Variants in CEP112 observed in about 807,000 individuals in gnomAD.
CEP112 encodes centrosomal protein of 112 kDa.
CEP112 carries 127 observed loss-of-function variants against 153.0 expected under a neutral mutation model. The observed-to-expected ratio is 0.83, with a 90% CI of 0.72 to 0.96. CEP112 has a LOEUF of 0.96. Ranked by LOEUF, CEP112 falls within the 40% of genes least tolerant of loss-of-function variation. CEP112 has a pLI of 0.00. For missense variants in CEP112, 1,089 were observed against 1,101.2 expected (o/e 0.99, Z 0.16); for synonymous variants, 358 against 374.4 (o/e 0.96, Z 0.51).
At position 66,103,022 on chromosome 17, in the gene CEP112, G is replaced by C. The variant is rs564294123; in HGVS notation, c.643-6390C>G. 4.6e-5 allele frequency among the ~76,000 whole-genome samples: 7 copies of C among 151,036 alleles called. No individual in the cohort carries two copies. In the South Asian group the frequency reaches 1.3e-3, roughly 27 times the overall value. On this transcript the variant is annotated intron_variant, in intron 6 of 26. Coordinates refer to ENST00000535342, the MANE Select transcript of CEP112 (RefSeq NM_001199165.4). Reference sequence around the variant, plus strand: ...GCAGATCACCTGAGGTCAGCAGTTCGAGACCAGACTGGCTAACATGGTGAA... The same window carrying C: ...GCAGATCACCTGAGGTCAGCAGTTCCAGACCAGACTGGCTAACATGGTGAA...
At chr17:66,023,039 G>C (rs1288333354) in intron 16 of CEP112, among the ~76,000 whole-genome samples, 1 of 152,074 alleles carries the variant, frequency 6.6e-6, no homozygotes, top group East Asian at 1.9e-4. Context: ...TTAAAAAAAT[G>C]AACAAAGCCT....
At position 65,663,910 on chromosome 17, in the gene CEP112, G is replaced by T. The variant is rs1286691247; in HGVS notation, c.2698-22845C>A. On this transcript the variant is annotated intron_variant, in intron 24 of 26. Coordinates refer to ENST00000535342, the MANE Select transcript of CEP112 (RefSeq NM_001199165.4). ...AAATACAAAAACTTAGCCAGGCGTG[G>T]TGGCGTGCGCCTGTAGTCCCAGCTA... Among the ~76,000 whole-genome samples, 38 of 152,174 alleles carry T rather than the reference G, an allele frequency of 2.5e-4. 1 individual carries two copies. Among genetic ancestry groups the T allele is most frequent in the Admixed American group, 2.5e-3 (38 of 15,280 alleles).
At chr17:66,033,778 A>T (rs1190328813) in intron 12 of CEP112, among the ~76,000 whole-genome samples, 1 of 152,216 alleles carries the variant, frequency 6.6e-6, no homozygotes, top group African/African-American at 2.4e-5. Flanking sequence ...ATAAAGTATA[A>T]GCTTAAGACA....
intron 4 of CEP112, among the ~76,000 whole-genome samples, chr17:66,172,385 C>G (rs893015625): frequency 2.6e-5 from 4 of 152,166 alleles, no homozygotes; most frequent in Non-Finnish European, 5.9e-5. Context: ...AGGCTTTTTT[C>G]ACGTTGCAAT....
intron 17 of CEP112, among the ~76,000 whole-genome samples, chr17:65,983,751 TA>T (rs1179519276): frequency 6.6e-6 from 1 of 152,220 alleles, no homozygotes; most frequent in African/African-American, 2.4e-5. Flanking sequence ...CTTTTCTTTA[TA>T]AATCACCCAG....
intron 20 of CEP112, among the ~76,000 whole-genome samples, chr17:65,874,300 C>T (rs967516507): frequency 4.6e-5 from 7 of 152,108 alleles, no homozygotes; most frequent in Admixed American, 2.6e-4. Flanking sequence ...TTTTAGTTAA[C>T]AAAAGCTTAT....
chr17:65,866,270 T>C lies in CEP112; in HGVS notation c.2164-14236A>G, dbSNP rs140805547. 2.5e-4 allele frequency among the ~76,000 whole-genome samples: 38 copies of C among 152,332 alleles called. No homozygotes were observed. In the East Asian group the frequency reaches 7.1e-3, roughly 29 times the overall value. On this transcript the variant is annotated intron_variant, in intron 20 of 26. Transcript: ENST00000535342. Reference sequence around the variant, plus strand: ...GGTGCTGTTGCAGCCTGGCCGGTTGTGCGCACCCTCGAGGTATCACGGACA... The same window carrying C: ...GGTGCTGTTGCAGCCTGGCCGGTTGCGCGCACCCTCGAGGTATCACGGACA...
intron 24 of CEP112, among the ~76,000 whole-genome samples, chr17:65,679,919 A>G (rs145840876): frequency 6.6e-6 from 1 of 152,368 alleles, no homozygotes; most frequent in African/African-American, 2.4e-5. Flanking sequence ...GTCGTCTAAT[A>G]TTACCCGAAA....
chr17:66,021,049 T>A (rs1349705931), intron 16 of CEP112, among the ~76,000 whole-genome samples: 1 of 152,092 alleles, frequency 6.6e-6, no homozygotes, highest in Non-Finnish European at 1.5e-5. Flanking sequence ...ACCTGTCTAC[T>A]GAGGAACTGT....
chr17:66,072,955 A>G (rs1292867930), intron 8 of CEP112, among the ~76,000 whole-genome samples: 6 of 152,218 alleles, frequency 3.9e-5, no homozygotes, highest in Admixed American at 2.0e-4. Flanking sequence ...ATATAGATGT[A>G]GATATAAATA....
chr17:66,019,963 C>T (rs534502395), intron 16 of CEP112, among the ~76,000 whole-genome samples: 1 of 152,366 alleles, frequency 6.6e-6, no homozygotes, highest in Non-Finnish European at 1.5e-5. Context: ...CTTTCTAGGT[C>T]TATCTCTATG....
At chr17:65,953,927 C>T (rs781038734) in intron 18 of CEP112, among the ~76,000 whole-genome samples, 10 of 152,120 alleles carry the variant, frequency 6.6e-5, no homozygotes, top group Non-Finnish European at 8.8e-5. Flanking sequence ...TGGCCCTGTC[C>T]ACTGTCTGAG....
intron 20 of CEP112, among the ~76,000 whole-genome samples, chr17:65,898,591 A>C (rs756275980): frequency 2.0e-5 from 3 of 152,178 alleles, no homozygotes; most frequent in Non-Finnish European, 4.4e-5. Context: ...TAGATTTATG[A>C]TGCTCAGTGT....
intron 8 of CEP112, among the ~76,000 whole-genome samples, chr17:66,086,385 T>C (rs914541132): frequency 0.022 from 28 of 1,260 alleles, no homozygotes; most frequent in African/African-American, 0.073. Flanking sequence ...CTTTTCTTTT[T>C]TTTTTTTTTT....
At chr17:65,796,236 T>C (rs2054902818) in intron 21 of CEP112, among the ~76,000 whole-genome samples, 1 of 152,200 alleles carries the variant, frequency 6.6e-6, no homozygotes, top group Non-Finnish European at 1.5e-5. Flanking sequence ...AGCAGTTATG[T>C]AGATATGTTT....
chr17:65,837,500 G>A (rs1019413743), intron 21 of CEP112, among the ~76,000 whole-genome samples: 5 of 151,718 alleles, frequency 3.3e-5, no homozygotes, highest in Admixed American at 1.3e-4. Context: ...CTGCCACCCC[G>A]TCTGGGAGGT....
At chr17:66,096,526 T>G (rs746281935) in intron 7 of CEP112, 59 bp downstream of exon 7, 1 of 1,227,064 alleles carries the variant, frequency 8.1e-7, no homozygotes. Context: ...AATAACTTAG[T>G]GATTATTTTA....
chr17:66,136,175 A>G (rs1426540469), intron 4 of CEP112, among the ~76,000 whole-genome samples: 1 of 152,132 alleles, frequency 6.6e-6, no homozygotes, highest in African/African-American at 2.4e-5. Flanking sequence ...CTGTGACAGG[A>G]AAGGGTCCCA....
intron 20 of CEP112, among the ~76,000 whole-genome samples, chr17:65,854,523 G>A (rs1432296694): frequency 6.6e-6 from 1 of 152,146 alleles, no homozygotes; most frequent in Non-Finnish European, 1.5e-5. Context: ...GAAAGAAAAT[G>A]CTTTATAGTA....
Sources: allele counts gnomAD v4.1 joint callset (sites outside exome capture counted in the v4.1 genomes callset), GRCh38; gene constraint gnomAD v4.1.1; transcripts MANE v1.5; gene names NCBI Gene and HGNC (gene_info 2026-07-23, HGNC 2026-07-21).